RIT2: variants seen among roughly 807,000 people sequenced by gnomAD.
The protein encoded by RIT2 is GTP-binding protein Rit2.
Under a neutral mutation model 23.7 loss-of-function variants are expected in RIT2, and 24 were observed. That is an observed-to-expected ratio of 1.01 (90% CI 0.73 to 1.43). RIT2 has a LOEUF of 1.43. Ranked by LOEUF, RIT2 falls within the 40% of genes most tolerant of loss-of-function variation. The probability of loss-of-function intolerance (pLI) is 0.00; values close to 1 mark genes in which losing one functional copy is unlikely to be tolerated. For missense variants in RIT2, 236 were observed against 266.9 expected (o/e 0.88, Z 0.81); for synonymous variants, 107 against 91.1 (o/e 1.17, Z -0.99).
At chr18:42,806,124 T>TAC (rs1905676966) in intron 4 of RIT2, among the ~76,000 whole-genome samples, 1 of 146,272 alleles carries the variant, frequency 6.8e-6, no homozygotes, top group Non-Finnish European at 1.5e-5. Context: ...TATATATATA[T>TAC]ATATATTTTA....
At chr18:42,803,721 T>A (rs571094048) in intron 4 of RIT2, among the ~76,000 whole-genome samples, 1 of 152,220 alleles carries the variant, frequency 6.6e-6, no homozygotes, top group Admixed American at 6.5e-5. Flanking sequence ...CCTGATGCTA[T>A]TTGCTGCCCG....
In RIT2 at chr18:42,923,665, G is replaced by C; in HGVS notation, c.333C>G (p.Ala111=). ...VTDRQSFQEA[A]KFKELIFQVR... ...CCTGAAAAATGAGCTCTTTAAACTTGGCAGCCTCCTGAAATGATTGACGGT... is the reference window on the plus strand; with the variant it reads ...CCTGAAAAATGAGCTCTTTAAACTTCGCAGCCTCCTGAAATGATTGACGGT... Residue 111 remains alanine (A), a synonymous_variant, in exon 4 of 5, where the codon GCC becomes GCG. Coordinates refer to ENST00000326695, the MANE Select transcript of RIT2 (RefSeq NM_002930.4). 1 of 1,613,272 alleles carries C rather than the reference G, an allele frequency of 6.2e-7. No homozygotes were observed. Among genetic ancestry groups the C allele is most frequent in the Non-Finnish European group, 8.5e-7 (1 of 1,179,604 alleles).
intron 4 of RIT2, among the ~76,000 whole-genome samples, chr18:42,776,742 G>C (rs1913681110): frequency 1.3e-5 from 2 of 151,978 alleles, no homozygotes; most frequent in African/African-American, 4.8e-5. Flanking sequence ...TTATGACCCT[G>C]TTTCTCACAC....
chr18:43,040,002 T>C (rs1912089485), intron 1 of RIT2, among the ~76,000 whole-genome samples: 1 of 152,192 alleles, frequency 6.6e-6, no homozygotes, highest in Non-Finnish European at 1.5e-5. Context: ...TCTATTTGTC[T>C]AAAAAGGCCG....
chr18:42,748,384 G>A (rs1567986532), intron 4 of RIT2, among the ~76,000 whole-genome samples: 2 of 151,576 alleles, frequency 1.3e-5, no homozygotes, highest in East Asian at 3.9e-4. Context: ...AAAACCACAT[G>A]CAATACCACC....
chr18:43,045,327 T>C (rs1030024284), intron 1 of RIT2, among the ~76,000 whole-genome samples: 1 of 152,196 alleles, frequency 6.6e-6, no homozygotes, highest in Admixed American at 6.5e-5. Flanking sequence ...ACAGGAGTTA[T>C]TGTAGATGTT....
intron 1 of RIT2, among the ~76,000 whole-genome samples, chr18:43,082,450 C>A (rs772492343): frequency 3.3e-5 from 5 of 152,082 alleles, no homozygotes; most frequent in African/African-American, 7.2e-5. Flanking sequence ...AGGCCAATAT[C>A]CCTGATGAAC....
intron 1 of RIT2, among the ~76,000 whole-genome samples, chr18:43,046,360 G>T (rs537555868): frequency 3.3e-5 from 5 of 152,312 alleles, no homozygotes; most frequent in South Asian, 4.2e-4. Flanking sequence ...CATATCACTT[G>T]TTGGTCCACT....
At chr18:42,769,164 TAAG>T (rs2143912254) in intron 4 of RIT2, among the ~76,000 whole-genome samples, 1 of 152,224 alleles carries the variant, frequency 6.6e-6, no homozygotes, top group East Asian at 1.9e-4. Flanking sequence ...AGAAAGGTAA[TAAG>T]AAGAAAGAGA....
intron 4 of RIT2, among the ~76,000 whole-genome samples, chr18:42,830,290 C>T (rs952833519): frequency 6.6e-6 from 1 of 152,206 alleles, no homozygotes; most frequent in African/African-American, 2.4e-5. Flanking sequence ...CAACCATCAA[C>T]CATCAACAAC....
At chr18:42,760,356 G>A (rs1174909439) in intron 4 of RIT2, among the ~76,000 whole-genome samples, 1 of 152,168 alleles carries the variant, frequency 6.6e-6, no homozygotes, top group African/African-American at 2.4e-5. Flanking sequence ...ATCTTGACAA[G>A]TTTGTTAAGA....
chr18:43,114,441 G>T (rs949961539), intron 1 of RIT2, among the ~76,000 whole-genome samples: 2 of 151,794 alleles, frequency 1.3e-5, no homozygotes, highest in Non-Finnish European at 2.9e-5. Context: ...TATTGTCTTC[G>T]TCTTTTAATT....
chr18:42,981,366 T>C (rs954778043), intron 2 of RIT2, among the ~76,000 whole-genome samples: 6 of 152,146 alleles, frequency 3.9e-5, no homozygotes, highest in African/African-American at 1.4e-4. Flanking sequence ...AAGGCAATTG[T>C]ACAAGTCTCA....
intron 4 of RIT2, among the ~76,000 whole-genome samples, chr18:42,776,895 A>G (rs949115134): frequency 6.6e-6 from 1 of 152,216 alleles, no homozygotes; most frequent in African/African-American, 2.4e-5. Flanking sequence ...GATGGTCAAC[A>G]TGTATCTAGA....
chr18:42,869,600 T>C (rs1236583623), intron 4 of RIT2, among the ~76,000 whole-genome samples: 1 of 152,226 alleles, frequency 6.6e-6, no homozygotes, highest in African/African-American at 2.4e-5. Context: ...ACATTCATTT[T>C]TAGGCCTGAT....
At chr18:42,880,074 G>A (rs754135471) in intron 4 of RIT2, among the ~76,000 whole-genome samples, 1 of 152,026 alleles carries the variant, frequency 6.6e-6, no homozygotes, top group African/African-American at 2.4e-5. Context: ...TAAGGGATCT[G>A]GTGTCCCTGC....
At chr18:42,897,975 G>A (rs536539857) in intron 4 of RIT2, among the ~76,000 whole-genome samples, 25 of 152,240 alleles carry the variant, frequency 1.6e-4, no homozygotes, top group African/African-American at 6.0e-4. Context: ...TGTAATCGTG[G>A]GCAAAAGATG....
intron 1 of RIT2, among the ~76,000 whole-genome samples, chr18:43,114,795 G>A (rs749157339): frequency 7.2e-5 from 11 of 151,952 alleles, no homozygotes; most frequent in Admixed American, 6.6e-5. Flanking sequence ...ATTTATTTGT[G>A]TAGCTTTCTC....
intron 4 of RIT2, among the ~76,000 whole-genome samples, chr18:42,882,226 A>G (rs995757301): frequency 7.2e-5 from 11 of 152,238 alleles, no homozygotes; most frequent in South Asian, 2.1e-4. Context: ...ATATCAAATT[A>G]GAGTCAGTGC....
Sources: allele counts gnomAD v4.1 joint callset (sites outside exome capture counted in the v4.1 genomes callset), GRCh38; gene constraint gnomAD v4.1.1; transcripts MANE v1.5; gene names NCBI Gene and HGNC (gene_info 2026-07-23, HGNC 2026-07-21).